CDH18: variants seen among roughly 807,000 people sequenced by gnomAD.
CDH18 encodes the protein cadherin-18.
In CDH18, 31 loss-of-function variants were observed where a neutral mutation model predicts 67.9. The observed-to-expected ratio is 0.46, with a 90% CI of 0.34 to 0.62. CDH18 has a LOEUF of 0.62. Among genes scored for constraint, CDH18 ranks in the 20% least tolerant of loss-of-function variants. The pLI, the probability that CDH18 is intolerant of heterozygous loss-of-function variation, is 0.01. For synonymous variants in CDH18, 362 were observed against 347.2 expected (o/e 1.04, Z -0.48); for missense variants, 890 against 975.5 (o/e 0.91, Z 1.17).
At chr5:19,635,570 G>A (rs1753020488) in intron 5 of CDH18, among the ~76,000 whole-genome samples, 1 of 152,030 alleles carries the variant, frequency 6.6e-6, no homozygotes, top group Non-Finnish European at 1.5e-5. Flanking sequence ...GCAATTTGTA[G>A]GGAAAAATGA....
chr5:19,625,530 G>T (rs1303404015), intron 5 of CDH18, among the ~76,000 whole-genome samples: 1 of 152,082 alleles, frequency 6.6e-6, no homozygotes, highest in Non-Finnish European at 1.5e-5. Flanking sequence ...TGTTGGCAGG[G>T]TTGCTTTCTT....
intron 2 of CDH18, among the ~76,000 whole-genome samples, chr5:19,857,219 GACCC>G (rs1347886204): frequency 6.7e-6 from 1 of 149,714 alleles, no homozygotes; most frequent in Non-Finnish European, 1.5e-5. Flanking sequence ...ATCAGACAGA[GACCC>G]TGTCTCTAAA....
At chr5:19,941,980 T>C (rs1258448650) in intron 2 of CDH18, among the ~76,000 whole-genome samples, 2 of 152,152 alleles carry the variant, frequency 1.3e-5, no homozygotes, top group Non-Finnish European at 2.9e-5. Flanking sequence ...CCCTTCAAGT[T>C]GACCTTCTGG....
At chr5:20,542,230 A>G (rs1400161039) in intron 1 of CDH18, among the ~76,000 whole-genome samples, 1 of 152,014 alleles carries the variant, frequency 6.6e-6, no homozygotes, top group African/African-American at 2.4e-5. Context: ...AGTAAATAGT[A>G]AGTGTTAAAT....
chr5:19,775,545 G>T (rs545708382), intron 3 of CDH18, among the ~76,000 whole-genome samples: 4 of 152,006 alleles, frequency 2.6e-5, no homozygotes, highest in African/African-American at 9.7e-5. Flanking sequence ...AAGACAGTGG[G>T]GGGGAGATGC....
chr5:19,739,811 T>C (rs1768861134), intron 4 of CDH18, among the ~76,000 whole-genome samples: 1 of 152,156 alleles, frequency 6.6e-6, no homozygotes, highest in Non-Finnish European at 1.5e-5. Context: ...TTTAAATGGC[T>C]ACTAGAATCT....
chr5:19,608,781 A>T (rs1748483698), intron 6 of CDH18, among the ~76,000 whole-genome samples: 1 of 151,836 alleles, frequency 6.6e-6, no homozygotes, highest in Non-Finnish European at 1.5e-5. Context: ...AAATTTCCAA[A>T]AACTGAAGCT....
At chr5:20,079,972 G>A (rs1245431481) in intron 2 of CDH18, among the ~76,000 whole-genome samples, 1 of 152,130 alleles carries the variant, frequency 6.6e-6, no homozygotes, top group Non-Finnish European at 1.5e-5. Context: ...ATCCCATGAT[G>A]AGGGCTCTAG....
intron 3 of CDH18, among the ~76,000 whole-genome samples, chr5:19,757,047 C>G (rs62353612): frequency 0.094 from 14,277 of 152,232 alleles, 794 homozygotes; most frequent in Admixed American, 0.15. Context: ...ATCAATCCAG[C>G]TACTTCAGGA....
intron 3 of CDH18, among the ~76,000 whole-genome samples, chr5:19,748,381 C>G (rs1770411650): frequency 1.3e-5 from 2 of 151,908 alleles, no homozygotes; most frequent in African/African-American, 4.8e-5. Context: ...TGAGATAATA[C>G]ACTTTGTTGC....
intron 10 of CDH18, among the ~76,000 whole-genome samples, chr5:19,511,222 G>A (rs1432000895): frequency 6.6e-6 from 1 of 152,080 alleles, no homozygotes; most frequent in African/African-American, 2.4e-5. Context: ...GTGATTGTAA[G>A]TTTCCTGAGG....
At chr5:20,481,512 A>G (rs1358400676) in intron 1 of CDH18, among the ~76,000 whole-genome samples, 1 of 152,170 alleles carries the variant, frequency 6.6e-6, no homozygotes, top group African/African-American at 2.4e-5. Context: ...AACAGAATAC[A>G]CATATTTCTC....
intron 9 of CDH18, among the ~76,000 whole-genome samples, chr5:19,522,249 C>A (rs949780926): frequency 6.6e-6 from 1 of 151,778 alleles, no homozygotes; most frequent in African/African-American, 2.4e-5. Flanking sequence ...ATTCTAAAAA[C>A]CATCCAATAA....
At chr5:20,182,520 T>C (rs889797826) in intron 2 of CDH18, among the ~76,000 whole-genome samples, 1 of 140,402 alleles carries the variant, frequency 7.1e-6, no homozygotes, top group Non-Finnish European at 1.5e-5. Context: ...GAAAATTGCA[T>C]GAACCCACAA....
At chr5:20,290,745 C>T (rs1402249758) in intron 1 of CDH18, among the ~76,000 whole-genome samples, 1 of 152,036 alleles carries the variant, frequency 6.6e-6, no homozygotes, top group Non-Finnish European at 1.5e-5. Context: ...ATTTGGAAAA[C>T]AGAATAGTAG....
At chr5:20,296,285 A>G (rs765869444) in intron 1 of CDH18, among the ~76,000 whole-genome samples, 3 of 141,646 alleles carry the variant, frequency 2.1e-5, no homozygotes, top group East Asian at 4.3e-4. Context: ...AGGGAGTCTC[A>G]CTCTGTTGCC....
intron 2 of CDH18, among the ~76,000 whole-genome samples, chr5:20,245,126 C>T (rs1188709828): frequency 6.6e-6 from 1 of 152,076 alleles, no homozygotes; most frequent in African/African-American, 2.4e-5. Flanking sequence ...CCTTGCAGAG[C>T]AGGCTTAATA....
intron 2 of CDH18, among the ~76,000 whole-genome samples, chr5:19,891,864 A>AG (rs1788814788): frequency 6.6e-6 from 1 of 152,238 alleles, no homozygotes; most frequent in South Asian, 2.1e-4. Flanking sequence ...TATGTTTAAA[A>AG]GCATTTCCTA....
chr5:19,600,297 T>C (rs1197906565), intron 6 of CDH18, among the ~76,000 whole-genome samples: 4 of 151,850 alleles, frequency 2.6e-5, no homozygotes, highest in Non-Finnish European at 4.4e-5. Context: ...TGTATACATA[T>C]GTAACAAACC....
Sources: allele counts gnomAD v4.1 joint callset (sites outside exome capture counted in the v4.1 genomes callset), GRCh38; gene constraint gnomAD v4.1.1; transcripts MANE v1.5; gene names NCBI Gene and HGNC (gene_info 2026-07-23, HGNC 2026-07-21).